The following RAP1GAP2 variants were observed in gnomAD, a reference collection of about 807,000 sequenced individuals.
RAP1GAP2 encodes the protein rap1 GTPase-activating protein 2.
Under a neutral mutation model 95.0 loss-of-function variants are expected in RAP1GAP2, and 27 were observed. The ratio of observed to expected loss-of-function variants is 0.28; its 90% CI spans 0.21 to 0.39. RAP1GAP2 has a LOEUF of 0.39. Ranked by LOEUF, RAP1GAP2 falls within the 10% of genes least tolerant of loss-of-function variation. The pLI is 1.00. For synonymous variants in RAP1GAP2, 373 were observed against 380.9 expected (o/e 0.98, Z 0.24); for missense variants, 771 against 970.0 (o/e 0.79, Z 2.72).
At chr17:3,006,627 G>A (rs557268584) in intron 16 of RAP1GAP2, among the ~76,000 whole-genome samples, 5 of 150,050 alleles carry the variant, frequency 3.3e-5, no homozygotes, top group African/African-American at 1.2e-4. Context: ...TAGAGATGGG[G>A]TTTTGCCATG....
At chr17:2,760,414 C>T (rs1380823034) in intron 1 of RAP1GAP2, among the ~76,000 whole-genome samples, 2 of 151,010 alleles carry the variant, frequency 1.3e-5, no homozygotes, top group African/African-American at 4.9e-5. Flanking sequence ...AATCTCAGCT[C>T]ACTGCAGCCT....
chr17:2,877,677 G>C (rs1410550581), intron 2 of RAP1GAP2, among the ~76,000 whole-genome samples: 1 of 152,204 alleles, frequency 6.6e-6, no homozygotes, highest in Non-Finnish European at 1.5e-5. Flanking sequence ...CTTGAACCTG[G>C]GAGGTGGAGG....
At chr17:2,948,263 C>A (rs1203671735) in intron 3 of RAP1GAP2, among the ~76,000 whole-genome samples, 2 of 152,202 alleles carry the variant, frequency 1.3e-5, no homozygotes, top group Non-Finnish European at 2.9e-5. Context: ...AGCGAGGCTG[C>A]TGACACATAA....
intron 8 of RAP1GAP2, among the ~76,000 whole-genome samples, chr17:2,968,721 A>G (rs1415223619): frequency 1.3e-5 from 2 of 152,178 alleles, no homozygotes; most frequent in Non-Finnish European, 2.9e-5. Context: ...TAAATGACTT[A>G]AATTCGATTG....
chr17:2,767,074 G>A (rs2068289529), intron 1 of RAP1GAP2, among the ~76,000 whole-genome samples: 1 of 151,740 alleles, frequency 6.6e-6, no homozygotes. Flanking sequence ...TAAAGATTTG[G>A]AATTGGTGGC....
intron 2 of RAP1GAP2, among the ~76,000 whole-genome samples, chr17:2,803,739 T>TGTGGTG (rs1243402368): frequency 2.6e-5 from 4 of 151,962 alleles, no homozygotes; most frequent in African/African-American, 9.7e-5. Context: ...ATTAGCCCAG[T>TGTGGTG]GTGGTGGTGT....
chr17:3,032,356 A>G (rs1449234171), intron 23 of RAP1GAP2, 55 bp from the exon 24 acceptor site: 79 of 1,610,368 alleles, frequency 4.9e-5, no homozygotes, highest in African/African-American at 8.0e-5. Flanking sequence ...CCGCCGTGGA[A>G]GGGACCTGTG....
intron 2 of RAP1GAP2, among the ~76,000 whole-genome samples, chr17:2,900,947 G>C (rs1465469147): frequency 6.6e-6 from 1 of 152,156 alleles, no homozygotes; most frequent in Non-Finnish European, 1.5e-5. Flanking sequence ...ACCTCAAGAT[G>C]GTCTGAGGCA....
rs371664967 is a variant in RAP1GAP2, at chr17:2,801,240, C to T, written c.80+690C>T. On this transcript the variant is annotated intron_variant, in intron 2 of 24. Coordinates refer to ENST00000254695, the MANE Select transcript of RAP1GAP2 (RefSeq NM_015085.5). ...CTGTAATCCCAGCACTTTGGGAGGCCGAGGTGGGTGGATCACCTGAGGTCA... is the reference window on the plus strand; with the variant it reads ...CTGTAATCCCAGCACTTTGGGAGGCTGAGGTGGGTGGATCACCTGAGGTCA... Among the ~76,000 whole-genome samples the T allele has an allele frequency of 5.3e-5, 8 of 151,156 alleles. No homozygotes were observed. In the East Asian group the frequency reaches 1.2e-3, roughly 23 times the overall value.
At chr17:2,767,359 TAAAAAAAAAAAA>T (rs397857982) in intron 1 of RAP1GAP2, among the ~76,000 whole-genome samples, 2 of 53,710 alleles carry the variant, frequency 3.7e-5, no homozygotes, top group African/African-American at 1.4e-4. Flanking sequence ...GAGACTCTGT[TAAAAAAAAAAAA>T]AAAAAAAAAA....
chr17:2,862,996 CAA>C (rs1164520490), intron 2 of RAP1GAP2, among the ~76,000 whole-genome samples: 1,722 of 48,824 alleles, frequency 0.035, 21 homozygotes, highest in African/African-American at 0.14. Context: ...GACTCTGTCT[CAA>C]AAAAAAAAAA....
intron 2 of RAP1GAP2, among the ~76,000 whole-genome samples, chr17:2,883,377 C>G (rs1424453030): frequency 6.6e-6 from 1 of 152,182 alleles, no homozygotes; most frequent in Non-Finnish European, 1.5e-5. Context: ...AAGGCCTCGC[C>G]CAGCCTTTGC....
intron 2 of RAP1GAP2, among the ~76,000 whole-genome samples, chr17:2,770,844 C>T (rs989830641): frequency 6.6e-6 from 1 of 152,058 alleles, no homozygotes; most frequent in African/African-American, 2.4e-5. Context: ...AGTTCAAGAG[C>T]AGCCTGGCCA....
At chr17:2,946,911 C>T (rs1474224790) in intron 3 of RAP1GAP2, among the ~76,000 whole-genome samples, 3 of 152,196 alleles carry the variant, frequency 2.0e-5, no homozygotes, top group South Asian at 2.1e-4. Flanking sequence ...CCCGCCACCA[C>T]ACCTGGTTCA....
intron 8 of RAP1GAP2, among the ~76,000 whole-genome samples, chr17:2,975,995 T>G (rs548880943): frequency 1.2e-4 from 18 of 152,352 alleles, no homozygotes; most frequent in Non-Finnish European, 2.1e-4. Context: ...CTGTTTTTCA[T>G]CACCCTGATG....
At chr17:2,925,022 TGTG>T (rs1291231123) in intron 3 of RAP1GAP2, among the ~76,000 whole-genome samples, 1 of 152,158 alleles carries the variant, frequency 6.6e-6, no homozygotes, top group Non-Finnish European at 1.5e-5. Flanking sequence ...GGATTCCAGA[TGTG>T]GTTTGGGACT....
At chr17:2,781,586 G>GA (rs1369332017) in intron 1 of RAP1GAP2, among the ~76,000 whole-genome samples, 3 of 150,958 alleles carry the variant, frequency 2.0e-5, no homozygotes, top group African/African-American at 4.9e-5. Flanking sequence ...GTCTCTGTGT[G>GA]GGCACGTCTC....
intron 2 of RAP1GAP2, among the ~76,000 whole-genome samples, chr17:2,823,745 G>A (rs1041677551): frequency 6.6e-6 from 1 of 152,194 alleles, no homozygotes; most frequent in Non-Finnish European, 1.5e-5. Context: ...GGGCCAGTAA[G>A]CAATAAGGCA....
intron 2 of RAP1GAP2, among the ~76,000 whole-genome samples, chr17:2,894,500 G>A (rs1419125271): frequency 2.0e-5 from 3 of 152,036 alleles, no homozygotes; most frequent in Non-Finnish European, 4.4e-5. Context: ...CACCCCTCCC[G>A]TGGCCTCAGC....
Sources: gnomAD v4.1 joint callset for allele counts (sites outside exome capture counted in the v4.1 genomes callset) on GRCh38, gnomAD v4.1.1 for gene constraint, MANE v1.5 for transcripts, NCBI Gene and HGNC (gene_info 2026-07-23, HGNC 2026-07-21) for gene names.